MYL6B: variants seen among roughly 807,000 people sequenced by gnomAD.
The protein encoded by MYL6B is myosin alkali light chain 1 slow a.
Under a neutral mutation model 24.5 loss-of-function variants are expected in MYL6B, and 19 were observed. The observed-to-expected ratio is 0.78, with a 90% confidence interval of 0.54 to 1.14. MYL6B has a LOEUF of 1.14. Ranked by LOEUF, MYL6B falls within the 50% of genes most tolerant of loss-of-function variation. The pLI, the probability that MYL6B is intolerant of heterozygous loss-of-function variation, is 0.00. For synonymous variants in MYL6B, 90 were observed against 100.7 expected (o/e 0.89, Z 0.64); for missense variants, 230 against 263.8 (o/e 0.87, Z 0.89).
At position 56,157,320 on chromosome 12, in the gene MYL6B, G is replaced by A. The variant is rs2136907857; in HGVS notation, c.521-148G>A. 3 of 678,392 alleles carry A rather than the reference G, an allele frequency of 4.4e-6. No homozygotes were observed. In the South Asian group the frequency reaches 5.7e-5, roughly 13 times the overall value. 42.0% of individuals were successfully genotyped at this position (678,392 alleles called of 1,614,324 possible). On this transcript the variant is annotated intron_variant, in intron 5 of 6. Coordinates refer to ENST00000553066, the Ensembl canonical transcript of MYL6B. ...AATCGCGTGAACACGGGAGGCGGAG[G>A]TTGCAGTGAGCCGAGATCGCTCCGC...
chr12:56,157,155 G>A (rs755682180), intron 5 of MYL6B: 6 of 281,232 alleles, frequency 2.1e-5, no homozygotes, highest in Middle Eastern at 1.2e-3. Context: ...AGCACTTTGG[G>A]AGGCCGAGGC....
chr12:56,155,776 A>AG (rs1871284819), intron 5 of MYL6B, 184 bp downstream of exon 5: 1 of 1,520,072 alleles, frequency 6.6e-7, no homozygotes, highest in African/African-American at 1.4e-5. Context: ...CAGAGGCTAA[A>AG]GTGCCATCCG....
intron 1 of MYL6B, chr12:56,153,661 C>T: frequency 2.7e-6 from 1 of 370,080 alleles, no homozygotes; most frequent in Middle Eastern, 7.6e-4. Flanking sequence ...TCCCCTACCC[C>T]TAAAGGAAAC....
chr12:56,155,377 A>G (rs1871267348), intron 4 of MYL6B, 42 bp from the exon 5 acceptor site: 5 of 1,613,682 alleles, frequency 3.1e-6, no homozygotes, highest in Admixed American at 3.3e-5. Flanking sequence ...GGTCCTATGT[A>G]ATACTACAAT....
At chr12:56,155,359 G>A in intron 4 of MYL6B, 60 bp from the exon 5 acceptor site, 1 of 1,610,014 alleles carries the variant, frequency 6.2e-7, no homozygotes, top group Admixed American at 1.7e-5. Flanking sequence ...TGGTAGGGTT[G>A]GGAGCTGGGT....
At chr12:56,157,586 G>A in intron 6 of MYL6B, 41 bp downstream of exon 6, 1 of 1,613,206 alleles carries the variant, frequency 6.2e-7, no homozygotes, top group South Asian at 1.1e-5. Flanking sequence ...GAGGGAGGAG[G>A]GCAGCCTGGC....
At chr12:56,154,957 C>T in intron 3 of MYL6B, 98 bp from the exon 4 acceptor site, 1 of 1,551,722 alleles carries the variant, frequency 6.4e-7, no homozygotes, top group Non-Finnish European at 8.7e-7. Flanking sequence ...TCCTCTTTTC[C>T]TCCCTTGTTC....
At chr12:56,155,277 C>T (rs1363362905) in intron 4 of MYL6B, 79 bp downstream of exon 4, 7 of 1,559,428 alleles carry the variant, frequency 4.5e-6, no homozygotes, top group Non-Finnish European at 6.1e-6. Flanking sequence ...TGAGGTGGAT[C>T]TCAGGACTTC....
intron 2 of MYL6B, 73 bp from the exon 3 acceptor site, chr12:56,154,740 G>T: frequency 1.3e-6 from 2 of 1,546,048 alleles, no homozygotes; most frequent in Admixed American, 3.8e-5. Flanking sequence ...GTGGCTGCCA[G>T]TTGGTTGGGA....
chr12:56,153,810 C>T, intron 1 of MYL6B, 63 bp from the exon 2 acceptor site: 1 of 1,189,472 alleles, frequency 8.4e-7, no homozygotes, highest in Non-Finnish European at 1.2e-6. Context: ...TTGCCACAGC[C>T]AACTGGCTCC....
At chr12:56,155,550 A>C in exon 5 of MYL6B, 2 of 1,613,942 alleles carry the variant, frequency 1.2e-6, no homozygotes, top group Non-Finnish European at 1.7e-6. Flanking sequence ...GGGGAACGGC[A>C]AAGTCATGGG....
chr12:56,155,364 C>A, intron 4 of MYL6B, 55 bp from the exon 5 acceptor site: 1 of 1,611,302 alleles, frequency 6.2e-7, no homozygotes, highest in Non-Finnish European at 8.5e-7. Context: ...GGGTTGGGAG[C>A]TGGGTCCTAT....
exon 7 of MYL6B, chr12:56,157,966 C>A (rs547690907): frequency 1.7e-4 from 98 of 592,536 alleles, no homozygotes; most frequent in Non-Finnish European, 2.6e-4. Context: ...AAAATAAAGA[C>A]TGGGTTCCTC....
At chr12:56,152,621 G>C (rs972604869) in exon 1 of MYL6B, 1 of 152,250 alleles carries the variant, frequency 6.6e-6, no homozygotes, top group East Asian at 1.9e-4. Context: ...CCCAGACACG[G>C]ACCCCGCAGG....
chr12:56,155,765 C>T, intron 5 of MYL6B, 173 bp downstream of exon 5: 1 of 1,526,530 alleles, frequency 6.6e-7, no homozygotes, highest in Non-Finnish European at 8.8e-7. Flanking sequence ...ACTCGCTCTT[C>T]CAGAGGCTAA....
chr12:56,157,730 C>T (rs1871391551), exon 7 of MYL6B: 1 of 1,611,674 alleles, frequency 6.2e-7, no homozygotes, highest in Non-Finnish European at 8.5e-7. Context: ...CGTCTGAGTG[C>T]TGCAGGTAGG....
intron 5 of MYL6B, chr12:56,157,065 A>AG (rs58723210): frequency 6.4e-6 from 1 of 155,042 alleles, no homozygotes; most frequent in Non-Finnish European, 1.4e-5. Flanking sequence ...AAAAAAAAAA[A>AG]TTACAATTGT....
intron 5 of MYL6B, chr12:56,155,938 C>T (rs1871288711): frequency 8.4e-7 from 1 of 1,197,140 alleles, no homozygotes; most frequent in Non-Finnish European, 1.1e-6. Context: ...AAATGGAAAG[C>T]AAGAGGCATC....
chr12:56,155,691 A>T (rs1166363965), intron 5 of MYL6B, 99 bp downstream of exon 5: 1 of 1,587,910 alleles, frequency 6.3e-7, no homozygotes, highest in Non-Finnish European at 8.5e-7. Context: ...CAGGAGGCTT[A>T]CTGTCCTGCA....
Sources: allele counts gnomAD v4.1 joint callset, GRCh38; gene constraint gnomAD v4.1.1; transcripts MANE v1.5; gene names NCBI Gene and HGNC (gene_info 2026-07-23, HGNC 2026-07-21).